DOK6: variants seen among roughly 807,000 people sequenced by gnomAD.
The protein encoded by DOK6 is downstream of tyrosine kinase 6.
Under a neutral mutation model 44.0 loss-of-function variants are expected in DOK6, and 22 were observed. The observed-to-expected ratio is 0.50, with a 90% CI of 0.36 to 0.71. The LOEUF (loss-of-function observed/expected upper bound fraction) is 0.71. DOK6 is among the 30% of genes least tolerant of loss of function. The pLI, the probability that DOK6 is intolerant of heterozygous loss-of-function variation, is 0.00. For missense variants in DOK6, 340 were observed against 416.4 expected (o/e 0.82, Z 1.60); for synonymous variants, 166 against 145.5 (o/e 1.14, Z -1.01).
At chr18:69,824,010 T>G (rs573450233) in intron 7 of DOK6, among the ~76,000 whole-genome samples, 1 of 152,126 alleles carries the variant, frequency 6.6e-6, no homozygotes, top group African/African-American at 2.4e-5. Context: ...AACAGAAACT[T>G]ACATCAGACA....
rs149404876 is a variant in DOK6, at chr18:69,455,748, T to C, written c.66+54438T>C. 1.6e-4 allele frequency among the ~76,000 whole-genome samples: 24 copies of C among 152,310 alleles called. No individual in the cohort carries two copies. In the East Asian group the frequency reaches 4.6e-3, roughly 29 times the overall value. ...ATGCCACAGCATAAAATGTAAAATA[T>C]TGGCAGTCCTTCTCCTTCAGTAAAA... On this transcript the variant is annotated intron_variant, in intron 1 of 7. Transcript: ENST00000382713.
At chr18:69,628,169 T>C (rs1253244788) in intron 3 of DOK6, among the ~76,000 whole-genome samples, 1 of 152,188 alleles carries the variant, frequency 6.6e-6, no homozygotes, top group Non-Finnish European at 1.5e-5. Context: ...AATAGCTGGA[T>C]TGAAGAAAGG....
At chr18:69,712,095 A>C (rs922304984) in intron 5 of DOK6, among the ~76,000 whole-genome samples, 12 of 149,990 alleles carry the variant, frequency 8.0e-5, no homozygotes, top group Non-Finnish European at 1.5e-4. Flanking sequence ...TCCCGGCTAA[A>C]ACGGTGAAAC....
intron 7 of DOK6, among the ~76,000 whole-genome samples, chr18:69,777,280 A>C (rs1475189420): frequency 2.6e-5 from 4 of 152,090 alleles, no homozygotes; most frequent in Non-Finnish European, 5.9e-5. Flanking sequence ...AAAATGTCTT[A>C]CTGTATTAAT....
intron 7 of DOK6, among the ~76,000 whole-genome samples, chr18:69,795,892 C>T (rs898114660): frequency 1.3e-5 from 2 of 152,188 alleles, no homozygotes; most frequent in Non-Finnish European, 2.9e-5. Flanking sequence ...TCTGAGTAAT[C>T]AAACTGTGGA....
intron 1 of DOK6, among the ~76,000 whole-genome samples, chr18:69,428,919 T>C (rs757384734): frequency 1.2e-4 from 18 of 152,258 alleles, no homozygotes; most frequent in Non-Finnish European, 2.4e-4. Flanking sequence ...TGTTTCCTTA[T>C]AGGCACCTAC....
intron 7 of DOK6, among the ~76,000 whole-genome samples, chr18:69,782,971 G>A (rs533044217): frequency 1.9e-4 from 29 of 152,318 alleles, no homozygotes; most frequent in African/African-American, 6.7e-4. Flanking sequence ...AACTTTGGAA[G>A]AAATTGACAG....
At chr18:69,553,224 T>C (rs529875063) in intron 1 of DOK6, among the ~76,000 whole-genome samples, 10 of 152,188 alleles carry the variant, frequency 6.6e-5, no homozygotes, top group African/African-American at 1.4e-4. Flanking sequence ...TAATAAAACA[T>C]CGACTGGAGA....
At chr18:69,775,508 T>C (rs771436859) in intron 7 of DOK6, among the ~76,000 whole-genome samples, 76 of 151,942 alleles carry the variant, frequency 5.0e-4, no homozygotes, top group Non-Finnish European at 9.0e-4. Flanking sequence ...TACTTTTTGG[T>C]CAAGTGGGCA....
intron 1 of DOK6, among the ~76,000 whole-genome samples, chr18:69,438,314 G>T (rs897235691): frequency 2.0e-5 from 3 of 152,186 alleles, no homozygotes; most frequent in African/African-American, 7.2e-5. Flanking sequence ...ATCATGAGTA[G>T]ATTCCATGTT....
At chr18:69,660,542 G>A (rs1319900105) in intron 3 of DOK6, 1 of 151,876 alleles carries the variant, frequency 6.6e-6, no homozygotes. Flanking sequence ...AGATTTAGCA[G>A]GATTAACATC....
In DOK6 at chr18:69,556,473, A is replaced by G. The variant is rs982286350; in HGVS notation, c.67-8014A>G. Among the ~76,000 whole-genome samples the G allele has an allele frequency of 8.5e-5, 13 of 152,156 alleles. No homozygotes were observed. In the East Asian group the frequency reaches 2.5e-3, roughly 29 times the overall value. On this transcript the variant is annotated intron_variant, in intron 1 of 7. Coordinates refer to ENST00000382713, the MANE Select transcript of DOK6 (RefSeq NM_152721.6). Reference sequence around the variant, plus strand: ...AATTCTCTCCATAGCACATAGCAAAAAAAAATTAAAATAAAAAAAGCTATT... The same window carrying G: ...AATTCTCTCCATAGCACATAGCAAAGAAAAATTAAAATAAAAAAAGCTATT...
At position 69,629,389 on chromosome 18, in the gene DOK6, A is replaced by T. The variant is rs948955092; in HGVS notation, c.289+29891A>T. Among the ~76,000 whole-genome samples the T allele has an allele frequency of 3.3e-5, 5 of 152,226 alleles. No individual in the cohort carries two copies. In the East Asian group the frequency reaches 9.6e-4, roughly 29 times the overall value. On this transcript the variant is annotated intron_variant, in intron 3 of 7. Coordinates refer to ENST00000382713, the MANE Select transcript of DOK6 (RefSeq NM_152721.6). ...CAATCATACTCAATGGCCATGAATT[A>T]TGCTTATGACTGACATGTTGCACAT...
intron 7 of DOK6, among the ~76,000 whole-genome samples, chr18:69,767,572 T>C (rs187161310): frequency 1.5e-4 from 23 of 152,074 alleles, no homozygotes; most frequent in Middle Eastern, 3.4e-3. Flanking sequence ...AACATACTCA[T>C]CCACACCCAC....
chr18:69,544,046 C>A (rs1982336044), intron 1 of DOK6, among the ~76,000 whole-genome samples: 1 of 150,024 alleles, frequency 6.7e-6, no homozygotes, highest in African/African-American at 2.4e-5. Flanking sequence ...ATCAGGAGGT[C>A]AGGAGTTTGA....
At chr18:69,802,066 C>A (rs1980918933) in intron 7 of DOK6, among the ~76,000 whole-genome samples, 1 of 152,114 alleles carries the variant, frequency 6.6e-6, no homozygotes, top group Non-Finnish European at 1.5e-5. Context: ...CATGGCCCAC[C>A]CATGCCAAGG....
intron 1 of DOK6, among the ~76,000 whole-genome samples, chr18:69,524,661 G>A (rs183236049): frequency 2.0e-5 from 3 of 151,968 alleles, no homozygotes; most frequent in African/African-American, 4.8e-5. Flanking sequence ...AACTAAAAAT[G>A]TTCATTTGAA....
At chr18:69,617,326 A>C (rs1443839235) in intron 3 of DOK6, among the ~76,000 whole-genome samples, 9 of 138,280 alleles carry the variant, frequency 6.5e-5, no homozygotes, top group Non-Finnish European at 1.3e-4. Flanking sequence ...AGAGAGAGAA[A>C]GAAAAGAAAG....
At chr18:69,728,892 T>TA (rs1978327424) in intron 5 of DOK6, among the ~76,000 whole-genome samples, 1 of 152,176 alleles carries the variant, frequency 6.6e-6, no homozygotes, top group Non-Finnish European at 1.5e-5. Flanking sequence ...AATTTTTATT[T>TA]AATCTTTGAT....
Sources: gnomAD v4.1 joint callset for allele counts (sites outside exome capture counted in the v4.1 genomes callset) on GRCh38, gnomAD v4.1.1 for gene constraint, MANE v1.5 for transcripts, NCBI Gene and HGNC (gene_info 2026-07-23, HGNC 2026-07-21) for gene names.